Variants in MANSC1 observed in about 807,000 individuals in gnomAD.
MANSC1 encodes MANSC domain-containing protein 1.
MANSC1 carries 13 observed loss-of-function variants against 14.1 expected under a neutral mutation model. The ratio of observed to expected loss-of-function variants is 0.92; its 90% CI spans 0.60 to 1.46. The LOEUF (loss-of-function observed/expected upper bound fraction) is 1.46. Among genes scored for constraint, MANSC1 ranks in the 40% most tolerant of loss-of-function variants. The pLI, the probability that MANSC1 is intolerant of heterozygous loss-of-function variation, is 0.00. For missense variants in MANSC1, 486 were observed against 511.4 expected, an observed-to-expected ratio of 0.95 and a Z score of 0.48; for synonymous variants, 227 against 200.7, an observed-to-expected ratio of 1.13 and a Z score of -1.11.
At chr12:12,347,035 C>T (rs930912492) in intron 1 of MANSC1, among the ~76,000 whole-genome samples, 8 of 151,624 alleles carry the variant, frequency 5.3e-5, no homozygotes, top group South Asian at 2.1e-4. Context: ...TAGCCTTTCT[C>T]GCACCAGGGA....
At chr12:12,338,251 A>T (rs1490315438) in intron 3 of MANSC1, among the ~76,000 whole-genome samples, 169 bp downstream of exon 3, 4 of 152,224 alleles carry the variant, frequency 2.6e-5, no homozygotes, top group Non-Finnish European at 5.9e-5. Context: ...CATGGCTTTC[A>T]TTGGAAATCA....
At chr12:12,336,713 A>C (rs754667758) in intron 3 of MANSC1, among the ~76,000 whole-genome samples, 1 of 151,940 alleles carries the variant, frequency 6.6e-6, no homozygotes, top group Non-Finnish European at 1.5e-5. Context: ...TTTTTTGTGG[A>C]TATGAGGTCT....
Position 12,329,119 on chromosome 12 carries a change from C to T in MANSC1, c.*908G>A, listed in dbSNP as rs1343834111. The T allele has an allele frequency of 6.6e-6, 1 of 151,920 alleles. No individual in the cohort carries two copies. The highest frequency in any genetic ancestry group is 2.4e-5 in the African/African-American group (1 of 41,352). 9.4% of individuals were successfully genotyped at this position (151,920 alleles called of 1,614,324 possible). On this transcript the variant is annotated 3_prime_UTR_variant, in exon 4 of 4. Transcript: ENST00000535902. ...TGGGCTAACATTCCGCTAGATTCTCCCAAGTGAAGCTCTTTGCTCACTGAT... is the reference window on the plus strand; with the variant it reads ...TGGGCTAACATTCCGCTAGATTCTCTCAAGTGAAGCTCTTTGCTCACTGAT...
At chr12:12,337,693 AT>A in intron 3 of MANSC1, among the ~76,000 whole-genome samples, 1 of 152,234 alleles carries the variant, frequency 6.6e-6, no homozygotes, top group Non-Finnish European at 1.5e-5. Flanking sequence ...CACCTTTTTT[AT>A]ATGGATAATC....
intron 2 of MANSC1, among the ~76,000 whole-genome samples, chr12:12,342,462 G>A (rs1862946694): frequency 6.6e-6 from 1 of 151,698 alleles, no homozygotes; most frequent in Admixed American, 6.6e-5. Context: ...AAATATGCAA[G>A]TCCTGGTTCA....
chr12:12,344,028 G>A (rs1305026480), intron 1 of MANSC1, among the ~76,000 whole-genome samples: 6 of 151,992 alleles, frequency 3.9e-5, no homozygotes, highest in Non-Finnish European at 5.9e-5. Flanking sequence ...TGGGAGGATC[G>A]CTGGAGCCCA....
chr12:12,333,044 A>AATATATATATATATATATATATAT, intron 3 of MANSC1, among the ~76,000 whole-genome samples: 1 of 148,454 alleles, frequency 6.7e-6, no homozygotes, highest in South Asian at 2.1e-4. Flanking sequence ...TATATTTGAA[A>AATATATATATATATATATATATAT]ATATATATAT....
At chr12:12,332,427 GA>G (rs1862801999) in intron 3 of MANSC1, among the ~76,000 whole-genome samples, 1 of 152,142 alleles carries the variant, frequency 6.6e-6, no homozygotes, top group Admixed American at 6.6e-5. Flanking sequence ...GTCCATCTAG[GA>G]CAGGGCTCAG....
intron 2 of MANSC1, 60 bp from the exon 3 acceptor site, chr12:12,338,620 A>G (rs780991888): frequency 6.4e-6 from 10 of 1,551,274 alleles, no homozygotes; most frequent in Non-Finnish European, 8.8e-6. Context: ...GAGTAGGGCA[A>G]GTAGGAAAAA....
Position 12,342,868 on chromosome 12 carries a change from T to G in MANSC1, c.223+224A>C, listed in dbSNP as rs1862955593. On this transcript the variant is annotated intron_variant, in intron 2 of 3. Transcript: ENST00000535902. ...GATATAACACCAGTGATTCTCAACC[T>G]CTTGTCTACCCAGTCACCTGAGGGA... Among the ~76,000 whole-genome samples the G allele has an allele frequency of 1.3e-5, 2 of 152,188 alleles. 1 individual carries two copies. The highest frequency in any genetic ancestry group is 4.1e-4 in the South Asian group (2 of 4,828).
rs777229846 is a variant in MANSC1 at position 12,333,561 on chromosome 12, G to C, written c.365-2603C>G. On this transcript the variant is annotated intron_variant, in intron 3 of 3. Transcript: ENST00000535902. ...TGGCAGAGGTCCTAGAACCACAAAG[G>C]GATCCTCCACACCTGCTCCATTCGC... 2.1e-4 allele frequency among the ~76,000 whole-genome samples: 32 copies of C among 152,066 alleles called. 1 individual carries two copies. Among genetic ancestry groups the C allele is most frequent in the East Asian group, 3.9e-4 (2 of 5,186 alleles).
chr12:12,342,308 T>C (rs931004379), intron 2 of MANSC1, among the ~76,000 whole-genome samples: 4 of 152,262 alleles, frequency 2.6e-5, no homozygotes, highest in African/African-American at 9.6e-5. Context: ...GTTTTCTCTC[T>C]GGCAACTAAC....
At chr12:12,342,138 T>G (rs1380287222) in intron 2 of MANSC1, among the ~76,000 whole-genome samples, 2 of 152,256 alleles carry the variant, frequency 1.3e-5, no homozygotes, top group Non-Finnish European at 2.9e-5. Context: ...GAACAGGGTC[T>G]TGCTATGTTG....
chr12:12,334,229 T>C lies in MANSC1; in HGVS notation c.365-3271A>G, dbSNP rs559413559. Among the ~76,000 whole-genome samples, 11 of 149,818 alleles carry C rather than the reference T, an allele frequency of 7.3e-5. No homozygotes were observed. In the South Asian group the frequency reaches 2.3e-3, roughly 31 times the overall value. On this transcript the variant is annotated intron_variant, in intron 3 of 3. Coordinates refer to ENST00000535902, the MANE Select transcript of MANSC1 (RefSeq NM_018050.4). ...ATGATCGCGCCGCTGCAGTGAGCCATGATCGCGCCACTGCACTGCAGCCTG... is the reference window on the plus strand; with the variant it reads ...ATGATCGCGCCGCTGCAGTGAGCCACGATCGCGCCACTGCACTGCAGCCTG...
At chr12:12,337,196 G>A (rs562130077) in intron 3 of MANSC1, among the ~76,000 whole-genome samples, 6 of 152,134 alleles carry the variant, frequency 3.9e-5, no homozygotes, top group African/African-American at 1.4e-4. Context: ...AGAATTGCTT[G>A]AAGCCAGGAG....
intron 1 of MANSC1, among the ~76,000 whole-genome samples, chr12:12,344,755 C>T (rs796721743): frequency 5.6e-4 from 84 of 149,836 alleles, no homozygotes; most frequent in African/African-American, 1.8e-3. Context: ...GTGTGAGCCA[C>T]CACGCCCAGC....
At chr12:12,339,430 A>AT (rs1053183967) in intron 2 of MANSC1, among the ~76,000 whole-genome samples, 6 of 151,620 alleles carry the variant, frequency 4.0e-5, no homozygotes, top group African/African-American at 9.7e-5. Flanking sequence ...CCACACTCGG[A>AT]TTTTTTTTGG....
rs1342293395 is a variant in MANSC1 at position 12,330,844 on chromosome 12, TA to T, written c.478del (p.Tyr160IlefsTer56). 6.2e-7 allele frequency: 1 copy of T among 1,614,004 alleles called. No homozygotes were observed. The highest frequency in any genetic ancestry group is 2.2e-5 in the East Asian group (1 of 44,898). On this transcript the variant is annotated frameshift_variant, in exon 4 of 4. Coordinates refer to ENST00000535902, the MANE Select transcript of MANSC1 (RefSeq NM_018050.4). LOFTEE classifies it low-confidence loss of function (END_TRUNC). ...CCATGAGATATCGGTGGGCTTTGAA[TA>T]ATCTGTGTGATGATGGGCTAGGGGA... ...VTPLAHHHTD[Y>X]SKPTDISWRD... is the part of the protein sequence containing the mutation.
Position 12,342,591 on chromosome 12 carries a change from T to G in MANSC1, c.223+501A>C, listed in dbSNP as rs1011673774. Among the ~76,000 whole-genome samples the G allele has an allele frequency of 1.1e-3, 129 of 118,414 alleles. 1 individual carries two copies. The highest frequency in any genetic ancestry group is 3.3e-3 in the African/African-American group (109 of 33,528). The allele number at this position is 118,414 out of a possible 152,430, so 77.7% of individuals were successfully genotyped here. On this transcript the variant is annotated intron_variant, in intron 2 of 3. Transcript: ENST00000535902. ...AGTAGTCAGTGTTTTTTTGTTTTTT[T>G]TTTTTTTTTTTTTTTTTGACTTATC...
Sources: gnomAD v4.1 joint callset for allele counts (sites outside exome capture counted in the v4.1 genomes callset) on GRCh38, gnomAD v4.1.1 for gene constraint, MANE v1.5 for transcripts, NCBI Gene and HGNC (gene_info 2026-07-23, HGNC 2026-07-21) for gene names.